PRKCE: variants seen among roughly 807,000 people sequenced by gnomAD.
The protein encoded by PRKCE is protein kinase C epsilon type.
PRKCE carries 16 observed loss-of-function variants against 85.4 expected under a neutral mutation model. The observed-to-expected ratio is 0.19, with a 90% CI of 0.13 to 0.28. The LOEUF is 0.28. PRKCE is among the 10% of genes least tolerant of loss of function. The probability of loss-of-function intolerance (pLI) is 1.00; values close to 1 mark genes in which losing one functional copy is unlikely to be tolerated. For missense variants in PRKCE, 573 were observed against 975.2 expected, an observed-to-expected ratio of 0.59 and a Z score of 5.49; for synonymous variants, 388 against 371.5, an observed-to-expected ratio of 1.04 and a Z score of -0.51.
intron 13 of PRKCE, among the ~76,000 whole-genome samples, chr2:46,152,965 GT>G (rs369512520): frequency 9.2e-5 from 14 of 151,492 alleles, no homozygotes; most frequent in African/African-American, 1.7e-4. Flanking sequence ...CTTTTCTGTA[GT>G]TTTTTTTTCC....
At chr2:45,815,196 AC>A (rs1406743986) in intron 1 of PRKCE, among the ~76,000 whole-genome samples, 3 of 152,212 alleles carry the variant, frequency 2.0e-5, no homozygotes, top group East Asian at 3.9e-4. Flanking sequence ...TACACCAGTT[AC>A]CCCCCTTCTT....
chr2:46,088,688 A>G (rs181709246), intron 11 of PRKCE, among the ~76,000 whole-genome samples: 3 of 152,328 alleles, frequency 2.0e-5, no homozygotes, highest in Admixed American at 2.0e-4. Context: ...TTAGAGATGC[A>G]GGAGTTGGAT....
At chr2:45,813,790 G>A (rs1276894568) in intron 1 of PRKCE, among the ~76,000 whole-genome samples, 1 of 152,214 alleles carries the variant, frequency 6.6e-6, no homozygotes, top group African/African-American at 2.4e-5. Flanking sequence ...ACCCAGTGGA[G>A]CATTTGTCAG....
chr2:45,852,690 A>G (rs1174907494), intron 2 of PRKCE, among the ~76,000 whole-genome samples: 3 of 152,220 alleles, frequency 2.0e-5, no homozygotes, highest in African/African-American at 4.8e-5. Context: ...GTTTGCATAC[A>G]GCTGGGCACC....
At chr2:45,894,504 G>A (rs1211053099) in intron 2 of PRKCE, among the ~76,000 whole-genome samples, 1 of 151,388 alleles carries the variant, frequency 6.6e-6, no homozygotes, top group Non-Finnish European at 1.5e-5. Context: ...CATCTTTGCA[G>A]GGTGTGAAGG....
intron 1 of PRKCE, among the ~76,000 whole-genome samples, chr2:45,728,921 G>C (rs959478596): frequency 6.6e-6 from 1 of 152,172 alleles, no homozygotes; most frequent in African/African-American, 2.4e-5. Context: ...TCAGTATACG[G>C]TGGCACTGGG....
At chr2:45,931,666 A>G (rs1232825954) in intron 2 of PRKCE, among the ~76,000 whole-genome samples, 2 of 152,200 alleles carry the variant, frequency 1.3e-5, no homozygotes, top group African/African-American at 2.4e-5. Context: ...TTAAAGTAAC[A>G]TAGACACACA....
intron 6 of PRKCE, among the ~76,000 whole-genome samples, chr2:45,988,556 C>T (rs1407083974): frequency 2.6e-5 from 4 of 152,206 alleles, no homozygotes; most frequent in Non-Finnish European, 4.4e-5. Context: ...ACAGAGGGGC[C>T]AGACCCTTGC....
In PRKCE at chr2:45,651,931, GC is replaced by G; in HGVS notation, c.-169del. The G allele has an allele frequency of 1.8e-6, 1 of 567,826 alleles. No individual in the cohort carries two copies. The highest frequency in any genetic ancestry group is 3.1e-6 in the Non-Finnish European group (1 of 324,838). 35.2% of individuals were successfully genotyped at this position (567,826 alleles called of 1,614,324 possible). A position where few individuals can be genotyped will look rare whatever the true frequency, so the allele number is the denominator to read the frequency against. ...ACCCGGCGAGGAAATACATGCACTGGCTGAGAATCGCCCGCGCCAGGGCGCA... is the reference window on the plus strand; with the variant it reads ...ACCCGGCGAGGAAATACATGCACTGGTGAGAATCGCCCGCGCCAGGGCGCA... On this transcript the variant is annotated 5_prime_UTR_variant, in exon 1 of 15. An upstream open reading frame in the 5' UTR gains an earlier in-frame stop. Transcript: ENST00000306156.
intron 1 of PRKCE, among the ~76,000 whole-genome samples, chr2:45,789,388 A>G (rs1321271802): frequency 6.6e-6 from 1 of 152,206 alleles, no homozygotes; most frequent in African/African-American, 2.4e-5. Flanking sequence ...TCACTGTGCT[A>G]ATGTGTATGT....
At chr2:46,036,866 C>T (rs749225096) in intron 10 of PRKCE, among the ~76,000 whole-genome samples, 13 of 152,084 alleles carry the variant, frequency 8.5e-5, no homozygotes, top group African/African-American at 2.4e-4. Context: ...AGAGAGATGT[C>T]GGGGCTATGT....
intron 11 of PRKCE, among the ~76,000 whole-genome samples, chr2:46,092,369 A>G (rs955642373): frequency 2.0e-5 from 3 of 152,022 alleles, no homozygotes; most frequent in African/African-American, 7.3e-5. Context: ...ATGAGCCCTT[A>G]TCATCATTCC....
intron 2 of PRKCE, among the ~76,000 whole-genome samples, chr2:45,961,453 C>G (rs559347245): frequency 3.8e-4 from 58 of 152,306 alleles, no homozygotes; most frequent in Middle Eastern, 3.4e-3. Flanking sequence ...ACCCCATAGC[C>G]TTTAGGGCTG....
chr2:45,908,885 C>T (rs976922322), intron 2 of PRKCE, among the ~76,000 whole-genome samples: 3 of 152,130 alleles, frequency 2.0e-5, no homozygotes, highest in Non-Finnish European at 1.5e-5. Context: ...TCATACCCCT[C>T]TCCTTCCTCT....
chr2:46,050,065 G>T (rs1442377026), intron 10 of PRKCE, among the ~76,000 whole-genome samples: 3 of 152,200 alleles, frequency 2.0e-5, no homozygotes, highest in Non-Finnish European at 2.9e-5. Context: ...CCCTCCACTG[G>T]CTCCCATTGC....
At chr2:45,969,279 T>C (rs914290171) in intron 2 of PRKCE, among the ~76,000 whole-genome samples, 1 of 152,098 alleles carries the variant, frequency 6.6e-6, no homozygotes, top group South Asian at 2.1e-4. Context: ...AGCTTTGTCT[T>C]GGCCTTTCCT....
chr2:45,933,454 CAT>C (rs1429225790), intron 2 of PRKCE, among the ~76,000 whole-genome samples: 4 of 137,798 alleles, frequency 2.9e-5, no homozygotes, highest in African/African-American at 5.4e-5. Flanking sequence ...CCTTTCACCT[CAT>C]ATGCCTGCTT....
chr2:45,655,083 G>A (rs555893628), intron 1 of PRKCE, among the ~76,000 whole-genome samples: 76 of 152,308 alleles, frequency 5.0e-4, no homozygotes, highest in African/African-American at 1.6e-3. Flanking sequence ...GAATTCTGCC[G>A]CACTTTGAAT....
intron 2 of PRKCE, among the ~76,000 whole-genome samples, chr2:45,859,792 A>G (rs933460075): frequency 6.6e-6 from 1 of 152,204 alleles, no homozygotes; most frequent in Non-Finnish European, 1.5e-5. Context: ...CATGTCACAT[A>G]TCTGGGCTTC....
Sources: allele counts gnomAD v4.1 joint callset (sites outside exome capture counted in the v4.1 genomes callset), GRCh38; gene constraint gnomAD v4.1.1; transcripts MANE v1.5; gene names NCBI Gene and HGNC (gene_info 2026-07-23, HGNC 2026-07-21).